AOPEP: variants seen among roughly 807,000 people sequenced by gnomAD.
AOPEP encodes the protein aminopeptidase O (putative).
A neutral mutation model predicts 98.1 loss-of-function variants in AOPEP; 77 were observed. The ratio of observed to expected loss-of-function variants is 0.78; its 90% confidence interval spans 0.65 to 0.95. The LOEUF is 0.95. Ranked by LOEUF, AOPEP falls within the 40% of genes least tolerant of loss-of-function variation. The probability of loss-of-function intolerance (pLI) is 0.00; values close to 1 mark genes in which losing one functional copy is unlikely to be tolerated. For missense variants in AOPEP, 1,024 were observed against 1,024.7 expected (o/e 1.00, Z 0.01); for synonymous variants, 346 against 365.3 (o/e 0.95, Z 0.60).
At chr9:94,947,479 G>A (rs1380780063) in intron 7 of AOPEP, among the ~76,000 whole-genome samples, 3 of 152,146 alleles carry the variant, frequency 2.0e-5, no homozygotes, top group Admixed American at 6.5e-5. Flanking sequence ...CTGGCCTCAA[G>A]GGATCCTCTG....
At chr9:94,770,514 C>G (rs1210277480) in intron 2 of AOPEP, among the ~76,000 whole-genome samples, 1 of 152,170 alleles carries the variant, frequency 6.6e-6, no homozygotes, top group Non-Finnish European at 1.5e-5. Flanking sequence ...TTCAGACTCA[C>G]TCGCGTGGCT....
At chr9:94,880,432 C>CTA in intron 5 of AOPEP, among the ~76,000 whole-genome samples, 5 of 149,204 alleles carry the variant, frequency 3.4e-5, no homozygotes, top group African/African-American at 1.2e-4. Flanking sequence ...CATGGCGTGA[C>CTA]CATGGCTCAC....
Position 94,847,159 on chromosome 9 carries a change from CTG to C in AOPEP, c.1364+46159_1364+46160del, listed in dbSNP as rs1305610797. On this transcript the variant is annotated intron_variant, in intron 5 of 16. Coordinates refer to ENST00000375315, the MANE Select transcript of AOPEP (RefSeq NM_001193329.3). ...ACACACACACACACACACACTCTCTCTGTCTCTCTCTCTCTCTCTCTGTCTCT... is the reference window on the plus strand; with the variant it reads ...ACACACACACACACACACACTCTCTCTCTCTCTCTCTCTCTCTCTGTCTCT... Among the ~76,000 whole-genome samples the C allele has an allele frequency of 4.3e-4, 64 of 148,380 alleles. 1 individual carries two copies. Among genetic ancestry groups the C allele is most frequent in the Non-Finnish European group, 6.5e-4 (44 of 67,402 alleles).
chr9:95,081,334 G>T (rs778265362), intron 15 of AOPEP, among the ~76,000 whole-genome samples: 1 of 152,218 alleles, frequency 6.6e-6, no homozygotes. Context: ...TCTGATGTCC[G>T]CAGTGTGTCA....
chr9:94,797,692 TTC>T (rs1847306279), intron 4 of AOPEP, among the ~76,000 whole-genome samples: 1 of 150,302 alleles, frequency 6.7e-6, no homozygotes, highest in Admixed American at 6.7e-5. Context: ...AGTTAGTAAA[TTC>T]TCTCATACCT....
At position 95,014,589 on chromosome 9, in the gene AOPEP, C is replaced by T. The variant is rs78183889; in HGVS notation, c.2115+8973C>T. On this transcript the variant is annotated intron_variant, in intron 13 of 16. Coordinates refer to ENST00000375315, the MANE Select transcript of AOPEP (RefSeq NM_001193329.3). ...GCTACCCAGTGAGTCTTCTATGTCC[C>T]GACAGTAAATAACCTTTCCCTGATT... Among the ~76,000 whole-genome samples the T allele has an allele frequency of 9.2e-3, 1,407 of 152,262 alleles. 12 individuals are homozygous for T. Among genetic ancestry groups the T allele is most frequent in the African/African-American group, 0.032 (1,336 of 41,544 alleles).
At chr9:94,909,743 T>G (rs16911821) in intron 5 of AOPEP, among the ~76,000 whole-genome samples, 4,961 of 152,280 alleles carry the variant, frequency 0.033, 210 homozygotes, top group African/African-American at 0.096. Context: ...GTCACCAGTT[T>G]CAGGCAAGGG....
downstream of AOPEP, among the ~76,000 whole-genome samples, chr9:95,091,029 C>T (rs1587996186): frequency 6.6e-6 from 1 of 152,184 alleles, no homozygotes; most frequent in African/African-American, 2.4e-5. Context: ...CCTGCAACAG[C>T]CGGTGGCCGG....
the AOPEP span, among the ~76,000 whole-genome samples, chr9:95,146,943 A>C: frequency 3.3e-5 from 5 of 151,918 alleles, no homozygotes; most frequent in East Asian, 9.6e-4. Context: ...TTTTGTAGTA[A>C]TATATATTTT....
At chr9:94,732,978 C>T (rs532686152) in intron 1 of AOPEP, among the ~76,000 whole-genome samples, 2 of 152,118 alleles carry the variant, frequency 1.3e-5, no homozygotes, top group African/African-American at 4.8e-5. Context: ...AGGACTTTGA[C>T]AGTTAGTTTA....
At chr9:94,792,981 G>A in intron 4 of AOPEP, 63 bp downstream of exon 4, 1 of 1,500,712 alleles carries the variant, frequency 6.7e-7, no homozygotes, top group South Asian at 1.3e-5. Context: ...GCGGTATGAT[G>A]CATTTCTTCC....
At chr9:94,920,993 G>C (rs1471334091) in intron 5 of AOPEP, among the ~76,000 whole-genome samples, 1 of 151,178 alleles carries the variant, frequency 6.6e-6, no homozygotes, top group Non-Finnish European at 1.5e-5. Flanking sequence ...AAGCAAGAGG[G>C]CTTGTGTTTT....
chr9:94,773,628 G>C (rs867266700), intron 3 of AOPEP, among the ~76,000 whole-genome samples: 1 of 152,210 alleles, frequency 6.6e-6, no homozygotes, highest in Non-Finnish European at 1.5e-5. Context: ...TGGTTTGCCT[G>C]TGTAAAGTTC....
intron 13 of AOPEP, among the ~76,000 whole-genome samples, chr9:95,012,834 C>T (rs368885237): frequency 6.6e-6 from 1 of 151,968 alleles, no homozygotes; most frequent in Non-Finnish European, 1.5e-5. Context: ...ATGAATGAAT[C>T]CCACAAATGG....
intron 14 of AOPEP, among the ~76,000 whole-genome samples, chr9:95,066,309 A>G (rs1270168206): frequency 1.3e-5 from 2 of 152,156 alleles, no homozygotes; most frequent in Non-Finnish European, 2.9e-5. Context: ...CCCCTGTTAT[A>G]CTGTGATAAA....
chr9:94,950,365 C>T lies in AOPEP; in HGVS notation c.1662-4812C>T, dbSNP rs548452706. ...CTCTGGTGCCACTCAGCTCTGGGAG[C>T]TGCCCCAGTGACTCTTACTGTCACC... is the stretch of plus-strand genomic sequence containing the variant. On this transcript the variant is annotated intron_variant, in intron 7 of 16. Transcript: ENST00000375315. 6.4e-4 allele frequency among the ~76,000 whole-genome samples: 97 copies of T among 152,344 alleles called. No individual in the cohort carries two copies. In the South Asian group the frequency reaches 0.02, roughly 31 times the overall value.
chr9:94,769,506 T>C (rs771109964), intron 2 of AOPEP, among the ~76,000 whole-genome samples: 1 of 152,192 alleles, frequency 6.6e-6, no homozygotes, highest in African/African-American at 2.4e-5. Flanking sequence ...CCCTCTTATG[T>C]GATTGTTTTC....
chr9:95,035,064 C>CACCCATCA (rs2064672428), intron 13 of AOPEP, among the ~76,000 whole-genome samples: 1 of 151,180 alleles, frequency 6.6e-6, no homozygotes, highest in Non-Finnish European at 1.5e-5. Flanking sequence ...TGGTTTGCTG[C>CACCCATCA]ACCCATCAAC....
At chr9:95,101,535 C>T in the AOPEP span, 1 of 796,364 alleles carries the variant, frequency 1.3e-6, no homozygotes, top group Admixed American at 2.2e-5. Context: ...GGACCTGGCT[C>T]TGCATTTTGT....
Sources: gnomAD v4.1 joint callset for allele counts (sites outside exome capture counted in the v4.1 genomes callset) on GRCh38, gnomAD v4.1.1 for gene constraint, MANE v1.5 for transcripts, NCBI Gene and HGNC (gene_info 2026-07-23, HGNC 2026-07-21) for gene names.